Variants in ACVR2A observed in about 807,000 individuals in gnomAD.
ACVR2A encodes the protein activin A receptor type 2A.
A neutral mutation model predicts 61.4 loss-of-function variants in ACVR2A; 7 were observed. The ratio of observed to expected loss-of-function variants is 0.11; its 90% confidence interval spans 0.06 to 0.21. The LOEUF is 0.21. Among genes scored for constraint, ACVR2A ranks in the 10% least tolerant of loss-of-function variants. The pLI is 1.00. For synonymous variants in ACVR2A, 193 were observed against 208.3 expected, an observed-to-expected ratio of 0.93 and a Z score of 0.63; for missense variants, 322 against 621.7, an observed-to-expected ratio of 0.52 and a Z score of 5.13.
chr2:147,847,833 T>C (rs1435080131), intron 1 of ACVR2A, among the ~76,000 whole-genome samples: 3 of 152,230 alleles, frequency 2.0e-5, no homozygotes, highest in South Asian at 4.1e-4. Context: ...TATAGCATTG[T>C]GGTTTATTTG....
rs1006195476 is a variant in ACVR2A, at chr2:147,917,789, C to G, written c.816+363C>G. Among the ~76,000 whole-genome samples, 3 of 151,920 alleles carry G rather than the reference C, an allele frequency of 2.0e-5. No individual in the cohort carries two copies. In the East Asian group the frequency reaches 5.8e-4, roughly 29 times the overall value. On this transcript the variant is annotated intron_variant, in intron 6 of 10. Coordinates refer to ENST00000241416, the MANE Select transcript of ACVR2A (RefSeq NM_001616.5). ...ACCATTTTTTTAAGTTTTAATCAGTCTTGCTTGTGACAAAACCAGAGTCAG... is the reference window on the plus strand; with the variant it reads ...ACCATTTTTTTAAGTTTTAATCAGTGTTGCTTGTGACAAAACCAGAGTCAG...
At chr2:147,925,939 G>A in intron 9 of ACVR2A, 92 bp from the exon 10 acceptor site, 1 of 1,308,250 alleles carries the variant, frequency 7.6e-7, no homozygotes, top group Non-Finnish European at 1.1e-6. Flanking sequence ...GTTGGGAATA[G>A]GTGACAGAGT....
At chr2:147,873,971 G>A (rs1639646976) in intron 1 of ACVR2A, among the ~76,000 whole-genome samples, 1 of 151,942 alleles carries the variant, frequency 6.6e-6, no homozygotes, top group Non-Finnish European at 1.5e-5. Context: ...TAGCAGCGTG[G>A]CATGGAGGAT....
intron 10 of ACVR2A, among the ~76,000 whole-genome samples, chr2:147,926,850 AT>A (rs1454767702): frequency 4.7e-5 from 7 of 149,106 alleles, no homozygotes; most frequent in East Asian, 2.0e-4. Context: ...AGGGATAGAG[AT>A]TTTTTTTTTG....
At chr2:147,899,329 G>C in intron 2 of ACVR2A, 129 bp from the exon 3 acceptor site, 1 of 600,810 alleles carries the variant, frequency 1.7e-6, no homozygotes, top group East Asian at 3.3e-5. Context: ...AGAATTATTA[G>C]ATATAAATAC....
In ACVR2A at chr2:147,922,949, C is replaced by T. The variant is rs1558815414; in HGVS notation, c.1078-24C>T. On this transcript the variant is annotated intron_variant, in intron 8 of 10. Coordinates refer to ENST00000241416, the MANE Select transcript of ACVR2A (RefSeq NM_001616.5). Reference sequence around the variant, plus strand: ...TTCATAAAGTTAATGAATGAGTACTCTTTGCTTTTAACATCTTTTTCAGGT... The same window carrying T: ...TTCATAAAGTTAATGAATGAGTACTTTTTGCTTTTAACATCTTTTTCAGGT... 6 of 1,595,220 alleles carry T rather than the reference C, an allele frequency of 3.8e-6. No homozygotes were observed. The Admixed American group carries it at 1.1e-4, about 29-fold the overall frequency.
At chr2:147,919,215 A>C (rs1195846452) in intron 7 of ACVR2A, among the ~76,000 whole-genome samples, 1 of 152,182 alleles carries the variant, frequency 6.6e-6, no homozygotes, top group African/African-American at 2.4e-5. Context: ...GATTCACAGA[A>C]CAGATACTTA....
intron 1 of ACVR2A, among the ~76,000 whole-genome samples, chr2:147,895,585 C>T (rs1686711750): frequency 6.6e-6 from 1 of 152,138 alleles, no homozygotes; most frequent in Non-Finnish European, 1.5e-5. Flanking sequence ...TTGTTTGATA[C>T]ATACCATAGA....
intron 8 of ACVR2A, among the ~76,000 whole-genome samples, chr2:147,921,495 A>G (rs892107498): frequency 2.0e-5 from 3 of 152,098 alleles, no homozygotes; most frequent in Non-Finnish European, 4.4e-5. Flanking sequence ...AGCATATCCT[A>G]TTGGTTCCTG....
At chr2:147,866,238 G>T (rs937899605) in intron 1 of ACVR2A, among the ~76,000 whole-genome samples, 1 of 152,226 alleles carries the variant, frequency 6.6e-6, no homozygotes. Context: ...GACTCTGAAA[G>T]TGGCATGCGC....
intron 4 of ACVR2A, 132 bp downstream of exon 4, chr2:147,900,030 G>A: frequency 1.9e-6 from 2 of 1,027,566 alleles, no homozygotes; most frequent in South Asian, 3.4e-5. Context: ...ATTGTCATGA[G>A]AACTCTAGCT....
At chr2:147,851,134 T>A (rs1276574822) in intron 1 of ACVR2A, among the ~76,000 whole-genome samples, 2 of 152,134 alleles carry the variant, frequency 1.3e-5, no homozygotes, top group East Asian at 3.8e-4. Context: ...GTGATCTTAT[T>A]AAAAAATAAA....
chr2:147,901,370 AATCT>A (rs1686868308), intron 4 of ACVR2A, among the ~76,000 whole-genome samples: 1 of 152,018 alleles, frequency 6.6e-6, no homozygotes, highest in African/African-American at 2.4e-5. Context: ...TTTAAAATGT[AATCT>A]TATAGATAAC....
At chr2:147,877,157 A>G (rs986773775) in intron 1 of ACVR2A, among the ~76,000 whole-genome samples, 12 of 152,238 alleles carry the variant, frequency 7.9e-5, no homozygotes, top group Non-Finnish European at 1.2e-4. Context: ...AAAGTGCCCT[A>G]TTATTTGAAC....
chr2:147,917,262 A>C (rs373673764), intron 5 of ACVR2A, 21 bp from the exon 6 acceptor site: 4 of 1,608,408 alleles, frequency 2.5e-6, no homozygotes, highest in East Asian at 2.2e-5. Flanking sequence ...TGTTCTTACT[A>C]TTCTTTCTTT....
intron 1 of ACVR2A, among the ~76,000 whole-genome samples, chr2:147,852,994 A>C (rs1463429716): frequency 6.6e-6 from 1 of 152,096 alleles, no homozygotes; most frequent in Non-Finnish European, 1.5e-5. Flanking sequence ...TGAGGAGGTA[A>C]GAGTGGATGA....
rs1687615259 is a variant in ACVR2A at position 147,929,757 on chromosome 2, A to C, written c.*2483A>C. The stretch of plus-strand genomic sequence containing the variant: ...AAAAAAAAAAGATCAAAGAATGAGA[A>C]AAATGGTGATCCATTTTGGGGCAAA... On this transcript the variant is annotated 3_prime_UTR_variant, in exon 11 of 11. Coordinates refer to ENST00000241416, the MANE Select transcript of ACVR2A (RefSeq NM_001616.5). The C allele has an allele frequency of 6.6e-6, 1 of 152,348 alleles. No homozygotes were observed. Among genetic ancestry groups the C allele is most frequent in the African/African-American group, 2.4e-5 (1 of 41,382 alleles). 9.4% of individuals were successfully genotyped at this position (152,348 alleles called of 1,614,324 possible).
In ACVR2A at chr2:147,918,523, G is replaced by A; in HGVS notation, c.893G>A (p.Arg298Lys). Reference sequence around the variant, plus strand: ...TGTCATATTGCAGAAACCATGGCTAGAGGATTGGCATATTTACATGAGGAT... The same window carrying A: ...TGTCATATTGCAGAAACCATGGCTAAAGGATTGGCATATTTACATGAGGAT... ...ELCHIAETMA[R>K]GLAYLHEDIP... Residue 298 changes from arginine (R) to lysine (K), a missense_variant, in exon 7 of 11, where the codon AGA becomes AAA. Physicochemically the swap from Arg to Lys is conservative, Grantham distance 26 (BLOSUM62 2). Around this residue, in one of 3 missense-constraint regions of ACVR2A, gnomAD observed 146 missense variants for 383.8 expected, o/e 0.38. Transcript: ENST00000241416. 6.2e-7 allele frequency: 1 copy of A among 1,612,704 alleles called. No individual in the cohort carries two copies. The highest frequency in any genetic ancestry group is 2.2e-5 in the East Asian group (1 of 44,770).
In ACVR2A at chr2:147,845,174, G is replaced by T. The variant is rs760028250; in HGVS notation, c.22G>T (p.Ala8Ser). ...GAAAATGGGAGCTGCTGCAAAGTTG[G>T]CGTTTGCCGTCTTTCTTATCTCCTG... The part of the protein sequence containing the change: MGAAAKL[A>S]FAVFLISCSS... Residue 8 changes from alanine to serine, a missense_variant, in exon 1 of 11, where the codon GCG (alanine) becomes TCG (serine). Physicochemically the swap from Ala to Ser is moderately conservative, Grantham distance 99. This residue lies in a region of ACVR2A where 142 missense variants were observed against 200.3 expected (regional missense o/e 0.71). Transcript: ENST00000241416. The T allele has an allele frequency of 6.2e-7, 1 of 1,613,432 alleles. No homozygotes were observed. Among genetic ancestry groups the T allele is most frequent in the Non-Finnish European group, 8.5e-7 (1 of 1,179,922 alleles).
Sources: gnomAD v4.1 joint callset for allele counts (sites outside exome capture counted in the v4.1 genomes callset) on GRCh38, gnomAD v4.1.1 for gene constraint, gnomAD v4.1.1 regional missense constraint, MANE v1.5 for transcripts, NCBI Gene and HGNC (gene_info 2026-07-23, HGNC 2026-07-21) for gene names.